The following PRRC2C variants were observed in gnomAD, a reference collection of about 807,000 sequenced individuals.
PRRC2C encodes the protein proline rich coiled-coil 2C.
A neutral mutation model predicts 317.2 loss-of-function variants in PRRC2C; 72 were observed. That is an observed-to-expected ratio of 0.23 (90% CI 0.19 to 0.28). The LOEUF (loss-of-function observed/expected upper bound fraction) is 0.28. Among genes scored for constraint, PRRC2C ranks in the 10% least tolerant of loss-of-function variants. The probability of loss-of-function intolerance (pLI) is 1.00; values close to 1 mark genes in which losing one functional copy is unlikely to be tolerated. For missense variants in PRRC2C, 3,074 were observed against 3,459.7 expected, an observed-to-expected ratio of 0.89 and a Z score of 2.80; for synonymous variants, 1,296 against 1,205.9, an observed-to-expected ratio of 1.07 and a Z score of -1.55.
intron 15 of PRRC2C, among the ~76,000 whole-genome samples, chr1:171,539,029 T>G (rs1677401914): frequency 6.6e-6 from 1 of 150,798 alleles, no homozygotes; most frequent in South Asian, 2.1e-4. Context: ...TTAATGGAGT[T>G]TTGCTCTTGT....
chr1:171,550,489 G>A (rs1454380148), intron 18 of PRRC2C, among the ~76,000 whole-genome samples: 3 of 141,844 alleles, frequency 2.1e-5, no homozygotes, highest in Non-Finnish European at 3.0e-5. Context: ...TTTAAATACT[G>A]TAAGTTCTAG....
At chr1:171,577,724 T>C in intron 26 of PRRC2C, 87 bp downstream of exon 26, 2 of 1,167,642 alleles carry the variant, frequency 1.7e-6, no homozygotes, top group Non-Finnish European at 2.5e-6. Context: ...CCCTTTCAGC[T>C]AAGCATAAGG....
intron 30 of PRRC2C, among the ~76,000 whole-genome samples, 181 bp from the exon 31 acceptor site, chr1:171,586,822 G>A (rs1053639007): frequency 1.3e-5 from 2 of 151,340 alleles, no homozygotes; most frequent in East Asian, 1.9e-4. Context: ...TCTTGACCTC[G>A]TGATCTGCCC....
At chr1:171,529,689 A>G (rs1675406556) in intron 11 of PRRC2C, among the ~76,000 whole-genome samples, 1 of 152,074 alleles carries the variant, frequency 6.6e-6, no homozygotes, top group Admixed American at 6.6e-5. Flanking sequence ...TTCATCCCAT[A>G]TTCTTCTGTA....
Position 171,541,951 on chromosome 1 carries a change from T to C in PRRC2C, c.4485T>C (p.Asn1495=). ...LSNQNSSDQA[N]EEWETASESS... is the part of the protein sequence containing the mutation. ...ATCAGAACTCTTCAGATCAGGCAAA[T>C]GAAGAATGGGAAACAGCTTCTGAAA... is the stretch of plus-strand genomic sequence containing the variant. Residue 1495 remains asparagine, a synonymous_variant, in exon 16 of 35, where the codon AAT becomes AAC. Coordinates refer to ENST00000647382, the MANE Select transcript of PRRC2C (RefSeq NM_001387844.1). The surrounding 1 kb of genome is among the most constrained non-coding windows in gnomAD (Gnocchi z 4.1). 6.2e-7 allele frequency: 1 copy of C among 1,612,818 alleles called. No individual in the cohort carries two copies. The highest frequency in any genetic ancestry group is 8.5e-7 in the Non-Finnish European group (1 of 1,179,704).
rs112446052 is a variant in PRRC2C, at chr1:171,492,500, C to T, written c.-58+6765C>T. Reference sequence around the variant, plus strand: ...TGAGCCCAGGAGTTGTGGAGGGTAGCGCACTGTGTTCTACATATGGACTGA... The same window carrying T: ...TGAGCCCAGGAGTTGTGGAGGGTAGTGCACTGTGTTCTACATATGGACTGA... On this transcript the variant is annotated intron_variant, in intron 1 of 34. Transcript: ENST00000647382. 7.0e-3 allele frequency among the ~76,000 whole-genome samples: 1,058 copies of T among 152,048 alleles called. 16 individuals carry two copies. The highest frequency in any genetic ancestry group is 0.024 in the African/African-American group (1,004 of 41,466).
intron 26 of PRRC2C, 131 bp downstream of exon 26, chr1:171,577,768 C>T (rs1394314649): frequency 2.6e-5 from 14 of 533,134 alleles, no homozygotes; most frequent in African/African-American, 9.0e-5. Context: ...TATTTAAATT[C>T]GCATTTTTTT....
chr1:171,555,343 T>G (rs1158865356), intron 18 of PRRC2C, among the ~76,000 whole-genome samples: 1 of 152,224 alleles, frequency 6.6e-6, no homozygotes, highest in African/African-American at 2.4e-5. Flanking sequence ...CTACACTGTT[T>G]ATTCTAGTTA....
chr1:171,526,584 C>T (rs529028862), intron 10 of PRRC2C, among the ~76,000 whole-genome samples: 13 of 151,970 alleles, frequency 8.6e-5, no homozygotes, highest in Non-Finnish European at 1.3e-4. Context: ...ATGACCCACC[C>T]GCCTCAGCCT....
chr1:171,498,888 A>G (rs1293971711), intron 1 of PRRC2C, among the ~76,000 whole-genome samples: 1 of 152,046 alleles, frequency 6.6e-6, no homozygotes, highest in Non-Finnish European at 1.5e-5. Context: ...TGCAGCCTGG[A>G]ACTCCTGGGT....
At position 171,532,834 on chromosome 1, in the gene PRRC2C, G is replaced by A; in HGVS notation, c.1746G>A (p.Met582Ile). The A allele has an allele frequency of 6.3e-7, 1 of 1,598,746 alleles. No homozygotes were observed. The highest frequency in any genetic ancestry group is 8.5e-7 in the Non-Finnish European group (1 of 1,175,380). The change falls in exon 12 of 35, where the codon ATG becomes ATA. Residue 582 changes from methionine (M) to isoleucine (I), a missense_variant. Around this residue, in one of 11 missense-constraint regions of PRRC2C, gnomAD observed 1,320 missense variants for 1,395.7 expected, o/e 0.95. Transcript: ENST00000647382. ...AAAAGGAAAAAGAACTACAAAAGAT[G>A]AAAGAACAAGAAAAGGAATGTGAGC... ...QKEKEKELQKMKEQEKECELE... is the reference protein window; with the variant it reads ...QKEKEKELQKIKEQEKECELE...
chr1:171,512,351 A>T, intron 2 of PRRC2C, 151 bp downstream of exon 2: 2 of 603,158 alleles, frequency 3.3e-6, no homozygotes, highest in Non-Finnish European at 6.2e-6. Context: ...TTTTCAGAGG[A>T]TATGTGATAA....
Position 171,540,587 on chromosome 1 carries a change from G to C in PRRC2C, c.3121G>C (p.Ala1041Pro), listed in dbSNP as rs753075541. ...GAGGAAGGAGAAAGAAGGAGAAAAG[G>C]CCGAAAAGGTCACTGAAAAAGTAGT... ...EQRKEKEGEK[A>P]EKVTEKVVVK... The change falls in exon 16 of 35, where the codon GCC becomes CCC. Residue 1041 changes from alanine to proline, a missense_variant. Coordinates refer to ENST00000647382, the MANE Select transcript of PRRC2C (RefSeq NM_001387844.1). 6.2e-7 allele frequency: 1 copy of C among 1,613,692 alleles called. No individual in the cohort carries two copies. The highest frequency in any genetic ancestry group is 1.7e-5 in the Admixed American group (1 of 59,984).
chr1:171,496,351 C>T (rs1009417381), intron 1 of PRRC2C, among the ~76,000 whole-genome samples: 1 of 151,568 alleles, frequency 6.6e-6, no homozygotes, highest in East Asian at 1.9e-4. Context: ...TACAGGTGCA[C>T]GCCACCACAC....
intron 32 of PRRC2C, 104 bp from the exon 33 acceptor site, chr1:171,588,275 C>T: frequency 5.4e-6 from 7 of 1,297,794 alleles, no homozygotes; most frequent in Non-Finnish European, 7.6e-6. Context: ...AAATTTTTAC[C>T]AACTACCAAG....
At chr1:171,582,928 A>G (rs897876872) in intron 28 of PRRC2C, among the ~76,000 whole-genome samples, 1 of 151,760 alleles carries the variant, frequency 6.6e-6, no homozygotes, top group African/African-American at 2.4e-5. Context: ...TGACTCTTAT[A>G]ATAACATTTA....
In PRRC2C at chr1:171,486,107, C is replaced by CTTTTT. The variant is rs34040896; in HGVS notation, c.-58+390_-58+394dup. Among the ~76,000 whole-genome samples the CTTTTT allele has an allele frequency of 6.7e-4, 64 of 95,582 alleles. 1 individual carries two copies. Among genetic ancestry groups the CTTTTT allele is most frequent in the African/African-American group, 2.3e-3 (60 of 25,804 alleles). 62.7% of individuals were successfully genotyped at this position (95,582 alleles called of 152,430 possible). On this transcript the variant is annotated intron_variant, in intron 1 of 34. Transcript: ENST00000647382. ...CTTCCTGGACTGGCGGACGTGAAGTCTTTTTTTTTTTTTTTTTTTTTTAGT... is the reference window on the plus strand; with the variant it reads ...CTTCCTGGACTGGCGGACGTGAAGTCTTTTTTTTTTTTTTTTTTTTTTTTTTTAGT...
At chr1:171,559,851 G>A (rs1293561365) in intron 19 of PRRC2C, among the ~76,000 whole-genome samples, 1 of 152,094 alleles carries the variant, frequency 6.6e-6, no homozygotes, top group East Asian at 1.9e-4. Context: ...CCACTGTTGA[G>A]ACCTACTGCT....
intron 1 of PRRC2C, among the ~76,000 whole-genome samples, chr1:171,491,303 A>G (rs1217501244): frequency 6.6e-6 from 1 of 152,146 alleles, no homozygotes; most frequent in East Asian, 1.9e-4. Flanking sequence ...CAGGGCTGCT[A>G]TATATGGTTA....
Sources: allele counts gnomAD v4.1 joint callset (sites outside exome capture counted in the v4.1 genomes callset), GRCh38; gene constraint gnomAD v4.1.1; regional missense constraint gnomAD v4.1.1; non-coding constraint Gnocchi (gnomAD v3.1); transcripts MANE v1.5; gene names NCBI Gene and HGNC (gene_info 2026-07-23, HGNC 2026-07-21).